DNAH5: variants seen among roughly 807,000 people sequenced by gnomAD.
DNAH5 encodes the protein dynein axonemal heavy chain 5.
Under a neutral mutation model 518.2 loss-of-function variants are expected in DNAH5, and 372 were observed. The observed-to-expected ratio is 0.72, with a 90% CI of 0.66 to 0.78. The LOEUF (loss-of-function observed/expected upper bound fraction) is 0.78. DNAH5 is among the 30% of genes least tolerant of loss of function. The probability of loss-of-function intolerance (pLI) is 0.00; values close to 1 mark genes in which losing one functional copy is unlikely to be tolerated. For missense variants in DNAH5, 5,523 were observed against 5,687.0 expected (o/e 0.97, Z 0.93); for synonymous variants, 2,039 against 2,025.9 (o/e 1.01, Z -0.17).
Position 13,894,906 on chromosome 5 carries a change from C to T in DNAH5, c.2260-85G>A. On this transcript the variant is annotated intron_variant, in intron 15 of 78. Transcript: ENST00000265104. ...TCTCATGTCTTATACAAAATGACTA[C>T]TTTTATTTAGGGTCAAACTGTAGGG... 4 of 1,497,670 alleles carry T rather than the reference C, an allele frequency of 2.7e-6. No homozygotes were observed. The Admixed American group carries it at 5.0e-5, about 19-fold the overall frequency. 92.8% of individuals were successfully genotyped at this position (1,497,670 alleles called of 1,614,324 possible).
At chr5:13,735,781 T>C (rs1261005316) in intron 67 of DNAH5, 37 bp downstream of exon 67, 1 of 1,444,714 alleles carries the variant, frequency 6.9e-7, no homozygotes, top group Admixed American at 1.7e-5. Flanking sequence ...AGTGCACAGA[T>C]ATAGAATTCA....
chr5:13,966,792 T>C (rs1014721799), intron 1 of DNAH5, among the ~76,000 whole-genome samples: 2 of 152,246 alleles, frequency 1.3e-5, no homozygotes, highest in African/African-American at 2.4e-5. Flanking sequence ...TGTGAAGATA[T>C]TCTCCCACTG....
chr5:13,759,133 C>T, intron 60 of DNAH5, 150 bp from the exon 61 acceptor site: 2 of 1,056,422 alleles, frequency 1.9e-6, no homozygotes, highest in East Asian at 2.5e-5. Flanking sequence ...AAGTCCTGAA[C>T]AAATCTTAAT....
At chr5:13,878,731 G>A (rs570477715) in intron 21 of DNAH5, among the ~76,000 whole-genome samples, 12 of 152,310 alleles carry the variant, frequency 7.9e-5, no homozygotes, top group Admixed American at 6.5e-4. Flanking sequence ...GGAAAACAAC[G>A]AGGTGGATGT....
At chr5:13,742,627 A>G (rs971813623) in intron 65 of DNAH5, among the ~76,000 whole-genome samples, 1 of 152,198 alleles carries the variant, frequency 6.6e-6, no homozygotes, top group African/African-American at 2.4e-5. Flanking sequence ...AATTCTTGAT[A>G]AAGCAAAAAT....
intron 41 of DNAH5, among the ~76,000 whole-genome samples, chr5:13,818,356 T>TG (rs1161940671): frequency 6.6e-6 from 1 of 152,178 alleles, no homozygotes; most frequent in Non-Finnish European, 1.5e-5. Flanking sequence ...CCCAGCACTT[T>TG]GGGGGGCCAA....
intron 24 of DNAH5, among the ~76,000 whole-genome samples, chr5:13,869,324 G>GT (rs56233228): frequency 0.9 from 136,611 of 151,574 alleles, 61,646 homozygotes; most frequent in East Asian, 0.95. Context: ...TACAACTGGA[G>GT]TTTTTTTTAA....
In DNAH5 at chr5:13,913,775, C is replaced by G; in HGVS notation, c.1504G>C (p.Glu502Gln). 6.2e-7 allele frequency: 1 copy of G among 1,613,468 alleles called. No homozygotes were observed. Among genetic ancestry groups the G allele is most frequent in the African/African-American group, 1.3e-5 (1 of 75,004 alleles). Residue 502 changes from glutamate to glutamine, a missense_variant, in exon 11 of 79, where the codon GAA (glutamate) becomes CAA (glutamine). Around this residue, in one of 3 missense-constraint regions of DNAH5, gnomAD observed 5,121 missense variants for 5,223.3 expected, o/e 0.98. Coordinates refer to ENST00000265104, the MANE Select transcript of DNAH5 (RefSeq NM_001369.3). ...TYSVLQDSTI[E>Q]GLEDMATKYQ... ...TTAGTGGCCATGTCTTCCAGCCCTT[C>G]AATTGTGGAATCTTGCAGGACTGAA...
At chr5:13,982,300 C>A (rs1453323703) in intron 1 of DNAH5, among the ~76,000 whole-genome samples, 1 of 152,282 alleles carries the variant, frequency 6.6e-6, no homozygotes, top group Admixed American at 6.5e-5. Flanking sequence ...TTTGCCTCAT[C>A]CTACCCCATT....
intron 1 of DNAH5, among the ~76,000 whole-genome samples, chr5:13,958,823 T>C (rs956638677): frequency 2.0e-5 from 3 of 152,232 alleles, no homozygotes; most frequent in African/African-American, 4.8e-5. Context: ...GTGCCATAGA[T>C]AGTTAACAAA....
chr5:13,763,259 C>G (rs534562143), intron 59 of DNAH5, among the ~76,000 whole-genome samples: 1 of 152,140 alleles, frequency 6.6e-6, no homozygotes, highest in African/African-American at 2.4e-5. Context: ...GGATGAATTA[C>G]AAACCCATAA....
intron 22 of DNAH5, among the ~76,000 whole-genome samples, chr5:13,876,322 A>T (rs1195792480): frequency 6.6e-6 from 1 of 152,202 alleles, no homozygotes; most frequent in Admixed American, 6.5e-5. Context: ...AAATGACTAC[A>T]AACCTTATTC....
At chr5:13,885,938 G>C (rs1772361826) in intron 18 of DNAH5, 26 bp downstream of exon 18, 8 of 1,603,114 alleles carry the variant, frequency 5.0e-6, no homozygotes, top group Non-Finnish European at 6.8e-6. Context: ...AGAAAAACAA[G>C]ACCCTTTCAT....
intron 1 of DNAH5, among the ~76,000 whole-genome samples, chr5:13,972,956 A>G (rs1234690436): frequency 6.6e-6 from 1 of 152,130 alleles, no homozygotes; most frequent in East Asian, 1.9e-4. Context: ...AAATAAATAA[A>G]TGTTTTTCAA....
At chr5:13,878,992 T>C (rs1418507464) in intron 21 of DNAH5, among the ~76,000 whole-genome samples, 1 of 152,162 alleles carries the variant, frequency 6.6e-6, no homozygotes, top group East Asian at 1.9e-4. Flanking sequence ...ACATATCATA[T>C]CTGAATCTCC....
At chr5:13,873,199 G>A (rs958533133) in intron 22 of DNAH5, among the ~76,000 whole-genome samples, 1 of 152,128 alleles carries the variant, frequency 6.6e-6, no homozygotes, top group Admixed American at 6.6e-5. Flanking sequence ...CCTGATTTTT[G>A]TAGAGTTTAT....
intron 1 of DNAH5, among the ~76,000 whole-genome samples, chr5:14,000,491 T>C (rs930647500): frequency 2.0e-5 from 3 of 152,244 alleles, no homozygotes; most frequent in Non-Finnish European, 4.4e-5. Flanking sequence ...ATGATAGTTA[T>C]ATGATGAGCA....
At chr5:13,694,236 A>C (rs1741067415) in intron 78 of DNAH5, among the ~76,000 whole-genome samples, 1 of 152,212 alleles carries the variant, frequency 6.6e-6, no homozygotes, top group Non-Finnish European at 1.5e-5. Context: ...TAAGCAGGTA[A>C]AAATAATTTT....
intron 1 of DNAH5, among the ~76,000 whole-genome samples, chr5:14,011,322 A>G (rs761464732): frequency 1.1e-4 from 17 of 152,174 alleles, no homozygotes; most frequent in Non-Finnish European, 2.1e-4. Flanking sequence ...CAGACAACCA[A>G]TGGCCTTTTC....
Sources: allele counts gnomAD v4.1 joint callset (sites outside exome capture counted in the v4.1 genomes callset), GRCh38; gene constraint gnomAD v4.1.1; regional missense constraint gnomAD v4.1.1; transcripts MANE v1.5; gene names NCBI Gene and HGNC (gene_info 2026-07-23, HGNC 2026-07-21).